Variants in LRFN5 observed in about 807,000 individuals in gnomAD.
LRFN5 encodes the protein leucine rich repeat and fibronectin type III domain containing 5.
A neutral mutation model predicts 45.6 loss-of-function variants in LRFN5; 24 were observed. That is an observed-to-expected ratio of 0.53 (90% CI 0.38 to 0.74). The LOEUF is 0.74. Ranked by LOEUF, LRFN5 falls within the 30% of genes least tolerant of loss-of-function variation. LRFN5 has a pLI of 0.00. For missense variants in LRFN5, 776 were observed against 861.5 expected, an observed-to-expected ratio of 0.90 and a Z score of 1.24; for synonymous variants, 340 against 313.8, an observed-to-expected ratio of 1.08 and a Z score of -0.88.
At chr14:41,898,160 C>A (rs1890999540) in intron 4 of LRFN5, among the ~76,000 whole-genome samples, 1 of 151,996 alleles carries the variant, frequency 6.6e-6, no homozygotes, top group Non-Finnish European at 1.5e-5. Context: ...GTGACACTCA[C>A]CTGTGAATCC....
At chr14:41,810,828 T>C (rs1336487935) in intron 2 of LRFN5, among the ~76,000 whole-genome samples, 1 of 152,014 alleles carries the variant, frequency 6.6e-6, no homozygotes, top group Non-Finnish European at 1.5e-5. Flanking sequence ...CTGTCTTTCT[T>C]AGTTGAAAAC....
chr14:41,822,485 G>A (rs1888147206), intron 2 of LRFN5, among the ~76,000 whole-genome samples: 1 of 151,984 alleles, frequency 6.6e-6, no homozygotes, highest in Non-Finnish European at 1.5e-5. Flanking sequence ...TGATTTCTAA[G>A]TATTATTCCA....
chr14:41,617,107 C>A (rs745608026), intron 1 of LRFN5, among the ~76,000 whole-genome samples: 1 of 152,078 alleles, frequency 6.6e-6, no homozygotes, highest in African/African-American at 2.4e-5. Flanking sequence ...TCCTCTGGGA[C>A]AAGCACATGA....
At chr14:41,767,256 T>A (rs1280501367) in intron 2 of LRFN5, among the ~76,000 whole-genome samples, 1 of 152,138 alleles carries the variant, frequency 6.6e-6, no homozygotes, top group Non-Finnish European at 1.5e-5. Flanking sequence ...TTCTGATTTT[T>A]TTTTTTAGGA....
chr14:41,653,336 T>C (rs1315804696), intron 1 of LRFN5, among the ~76,000 whole-genome samples: 2 of 152,180 alleles, frequency 1.3e-5, no homozygotes, highest in Non-Finnish European at 2.9e-5. Flanking sequence ...GAGTTAATTT[T>C]GTATAAGGTG....
At chr14:41,757,867 C>G (rs895391687) in intron 1 of LRFN5, among the ~76,000 whole-genome samples, 1 of 152,158 alleles carries the variant, frequency 6.6e-6, no homozygotes, top group Admixed American at 6.5e-5. Flanking sequence ...GAGCTGTAGA[C>G]TGGACCTGTT....
At chr14:41,646,851 C>T (rs853238) in intron 1 of LRFN5, among the ~76,000 whole-genome samples, 111,727 of 152,006 alleles carry the variant, frequency 0.74, 41,124 homozygotes, top group East Asian at 0.8. Flanking sequence ...TGTGTGAGAA[C>T]AGTCTTCCTA....
Position 41,831,017 on chromosome 14 carries a change from T to C in LRFN5, c.-20-55589T>C, listed in dbSNP as rs756174871. Among the ~76,000 whole-genome samples the C allele has an allele frequency of 1.1e-3, 161 of 152,324 alleles. 1 individual carries two copies. The highest frequency in any genetic ancestry group is 1.8e-3 in the Non-Finnish European group (122 of 68,028). ...AATTCTGGGAAACATTGCTCCAGCT[T>C]ACAACTTTATACAGTCTATCACCAC... On this transcript the variant is annotated intron_variant, in intron 2 of 5. Coordinates refer to ENST00000298119, the MANE Select transcript of LRFN5 (RefSeq NM_152447.5).
chr14:41,627,283 T>C (rs1341989889), intron 1 of LRFN5, among the ~76,000 whole-genome samples: 3 of 152,156 alleles, frequency 2.0e-5, no homozygotes, highest in Admixed American at 2.0e-4. Flanking sequence ...GAACTCCGTA[T>C]CTGTTAGGAG....
intron 1 of LRFN5, among the ~76,000 whole-genome samples, chr14:41,672,442 G>A (rs991015946): frequency 2.0e-5 from 3 of 151,886 alleles, no homozygotes; most frequent in Admixed American, 6.6e-5. Flanking sequence ...AATGGCATTG[G>A]ACTGAAAATT....
intron 1 of LRFN5, among the ~76,000 whole-genome samples, chr14:41,618,751 T>G (rs774055998): frequency 1.3e-5 from 2 of 152,060 alleles, no homozygotes; most frequent in Non-Finnish European, 2.9e-5. Flanking sequence ...CCACCATACC[T>G]CTCTAGAAAA....
chr14:41,624,362 A>G (rs138289118), intron 1 of LRFN5, among the ~76,000 whole-genome samples: 39 of 152,262 alleles, frequency 2.6e-4, no homozygotes, highest in African/African-American at 9.4e-4. Context: ...GTTCATAATC[A>G]TGAACAAGGA....
intron 2 of LRFN5, among the ~76,000 whole-genome samples, chr14:41,882,395 C>CAGT (rs1197382493): frequency 2.6e-5 from 4 of 152,274 alleles, no homozygotes; most frequent in African/African-American, 9.6e-5. Flanking sequence ...AGCTCTCCCT[C>CAGT]CCCTCTGTCA....
At chr14:41,874,716 A>G (rs141694784) in intron 2 of LRFN5, among the ~76,000 whole-genome samples, 444 of 152,338 alleles carry the variant, frequency 2.9e-3, no homozygotes, top group Non-Finnish European at 4.6e-3. Flanking sequence ...TGAATATATT[A>G]GTCAATTCTC....
intron 1 of LRFN5, among the ~76,000 whole-genome samples, chr14:41,710,818 G>A (rs904369543): frequency 5.9e-5 from 9 of 151,742 alleles, no homozygotes; most frequent in African/African-American, 1.7e-4. Context: ...CCCTGCCTGT[G>A]TCCATGTGTT....
intron 2 of LRFN5, among the ~76,000 whole-genome samples, chr14:41,788,037 A>G (rs1594709629): frequency 6.6e-6 from 1 of 152,122 alleles, no homozygotes; most frequent in Non-Finnish European, 1.5e-5. Flanking sequence ...AACCAGGAAA[A>G]GAGCCCTCAC....
At chr14:41,836,506 A>C (rs1888667693) in intron 2 of LRFN5, among the ~76,000 whole-genome samples, 1 of 150,226 alleles carries the variant, frequency 6.7e-6, no homozygotes, top group Admixed American at 6.7e-5. Flanking sequence ...GTTATAATAC[A>C]TGCATGTTTG....
At chr14:41,746,414 T>C (rs1156678257) in intron 1 of LRFN5, among the ~76,000 whole-genome samples, 1 of 151,964 alleles carries the variant, frequency 6.6e-6, no homozygotes, top group Non-Finnish European at 1.5e-5. Flanking sequence ...AAGACTAAAA[T>C]ATTTACTCCT....
intron 1 of LRFN5, among the ~76,000 whole-genome samples, chr14:41,693,643 A>G (rs1336833706): frequency 6.6e-6 from 1 of 151,926 alleles, no homozygotes; most frequent in Non-Finnish European, 1.5e-5. Context: ...TGGCTTTTAC[A>G]TATTAACTTT....
Sources: allele counts gnomAD v4.1 joint callset (sites outside exome capture counted in the v4.1 genomes callset), GRCh38; gene constraint gnomAD v4.1.1; transcripts MANE v1.5; gene names NCBI Gene and HGNC (gene_info 2026-07-23, HGNC 2026-07-21).